Variants in FAM217A observed in about 807,000 individuals in gnomAD.
FAM217A encodes the protein family with sequence similarity 217 member A, also known as protein FAM217A.
In FAM217A, 13 loss-of-function variants were observed where a neutral mutation model predicts 18.5. The observed-to-expected ratio is 0.70, with a 90% CI of 0.46 to 1.12. The LOEUF (loss-of-function observed/expected upper bound fraction) is 1.12. Ranked by LOEUF, FAM217A falls within the 50% of genes most tolerant of loss-of-function variation. FAM217A has a pLI of 0.00. For missense variants in FAM217A, 560 were observed against 575.4 expected (o/e 0.97, Z 0.27); for synonymous variants, 161 against 202.8 (o/e 0.79, Z 1.75).
upstream of FAM217A, among the ~76,000 whole-genome samples, chr6:4,079,920 A>T (rs2745455): frequency 6.6e-6 from 1 of 151,818 alleles, no homozygotes; most frequent in Non-Finnish European, 1.5e-5. Flanking sequence ...CCCGAAATGC[A>T]TATCTCCTAT....
At chr6:4,075,493 A>G (rs1769722194) in intron 2 of FAM217A, among the ~76,000 whole-genome samples, 1 of 152,222 alleles carries the variant, frequency 6.6e-6, no homozygotes, top group Admixed American at 6.5e-5. Flanking sequence ...GAAATATTCA[A>G]AAGAAAGCCA....
At chr6:4,086,981 C>T (rs1476094716) in intron 1 of FAM217A, 4 of 398,928 alleles carry the variant, frequency 1.0e-5, no homozygotes, top group African/African-American at 4.1e-5. Context: ...TGGATAAGAA[C>T]ATAAGGAGTA....
upstream of FAM217A, chr6:4,087,115 C>T (rs1336589126): frequency 1.2e-5 from 5 of 403,820 alleles, no homozygotes; most frequent in African/African-American, 1.0e-4. Flanking sequence ...CCTCGTAGGT[C>T]TGTGGAGCCT....
Position 4,069,682 on chromosome 6 carries a change from A to G in FAM217A, c.541T>C (p.Leu181=). The G allele has an allele frequency of 6.2e-7, 1 of 1,614,144 alleles. No homozygotes were observed. Among genetic ancestry groups the G allele is most frequent in the Non-Finnish European group, 8.5e-7 (1 of 1,180,022 alleles). The change falls in exon 7 of 7, where the codon TTA becomes CTA. Residue 181 remains leucine, a synonymous_variant. Coordinates refer to ENST00000274673, the MANE Select transcript of FAM217A (RefSeq NM_173563.3). The stretch of plus-strand genomic sequence containing the variant: ...TTCAAATTCCAATTTGGAGCAGGTA[A>G]TGTTTCACCATCATTGTTTTCTATA... ...STIENNDGET[L]PAPNWNLKHG...
chr6:4,081,778 G>A (rs544743631), upstream of FAM217A, among the ~76,000 whole-genome samples: 7 of 152,182 alleles, frequency 4.6e-5, no homozygotes, highest in African/African-American at 1.7e-4. Flanking sequence ...AATGTTCCCC[G>A]CTCTTGAGAC....
upstream of FAM217A, among the ~76,000 whole-genome samples, chr6:4,081,344 C>T (rs529949436): frequency 1.7e-3 from 254 of 152,254 alleles, 1 homozygote; most frequent in African/African-American, 5.8e-3. Flanking sequence ...TGCTCTGTCA[C>T]CCAGGCTAGA....
upstream of FAM217A, among the ~76,000 whole-genome samples, chr6:4,083,725 T>C (rs1328220551): frequency 6.6e-6 from 1 of 152,056 alleles, no homozygotes; most frequent in African/African-American, 2.4e-5. Context: ...CTAATTTTTT[T>C]GTATTTATAG....
chr6:4,083,780 C>T (rs192068424), upstream of FAM217A, among the ~76,000 whole-genome samples: 9 of 152,306 alleles, frequency 5.9e-5, no homozygotes, highest in Middle Eastern at 3.4e-3. Context: ...TCTCAAACTC[C>T]TGACCTCAGG....
intron 2 of FAM217A, among the ~76,000 whole-genome samples, chr6:4,076,915 C>T (rs563229957): frequency 1.4e-4 from 21 of 152,126 alleles, no homozygotes; most frequent in Non-Finnish European, 2.1e-4. Flanking sequence ...AAAAAATTAA[C>T]ATAACCAAAT....
At chr6:4,072,439 T>A (rs1769490039) in intron 6 of FAM217A, among the ~76,000 whole-genome samples, 1 of 22,088 alleles carries the variant, frequency 4.5e-5, no homozygotes, top group South Asian at 1.6e-3. Flanking sequence ...GTTCTGCACA[T>A]GTATTCCCAG....
chr6:4,077,299 G>T, intron 2 of FAM217A, 56 bp downstream of exon 2: 3 of 1,569,200 alleles, frequency 1.9e-6, no homozygotes, highest in East Asian at 2.2e-5. Context: ...TGGGAGTTAC[G>T]TGTTAGCAAC....
chr6:4,071,039 G>A (rs1200741037), intron 6 of FAM217A, among the ~76,000 whole-genome samples: 1 of 151,876 alleles, frequency 6.6e-6, no homozygotes. Context: ...TACTAATTTA[G>A]CTAAATACTA....
intron 3 of FAM217A, 42 bp from the exon 4 acceptor site, chr6:4,074,498 A>C: frequency 6.3e-7 from 1 of 1,580,546 alleles, no homozygotes; most frequent in Non-Finnish European, 8.7e-7. Context: ...GTTACATAAA[A>C]CTGATTATAT....
intron 1 of FAM217A, 113 bp from the exon 2 acceptor site, chr6:4,077,561 GA>G (rs1769913013): frequency 1.1e-6 from 1 of 888,620 alleles, no homozygotes; most frequent in Admixed American, 2.0e-5. Context: ...TTAGAAAGCA[GA>G]AGAGAGGGGC....
chr6:4,079,536 C>T (rs1184161136), upstream of FAM217A: 7 of 1,120,146 alleles, frequency 6.2e-6, no homozygotes, highest in African/African-American at 1.7e-5. Flanking sequence ...AGGCCTTCCC[C>T]GAGGCCTCCA....
chr6:4,069,454 T>A lies in FAM217A; in HGVS notation c.769A>T (p.Ser257Cys). Residue 257 changes from serine (S) to cysteine (C), a missense_variant, in exon 7 of 7, where the codon AGT becomes TGT. Coordinates refer to ENST00000274673, the MANE Select transcript of FAM217A (RefSeq NM_173563.3). ...GCTAAATTGTGCAAGTCTAGAGCACTGAAAGGAGGAGGGAGAAAATCAGGA... is the reference window on the plus strand; with the variant it reads ...GCTAAATTGTGCAAGTCTAGAGCACAGAAAGGAGGAGGGAGAAAATCAGGA... ...PYPDFLPPPF[S>C]ALDLHNLALS... 1 of 1,614,180 alleles carries A rather than the reference T, an allele frequency of 6.2e-7. No homozygotes were observed. Among genetic ancestry groups the A allele is most frequent in the Middle Eastern group, 1.6e-4 (1 of 6,062 alleles).
intron 1 of FAM217A, 69 bp from the exon 2 acceptor site, chr6:4,077,517 T>G: frequency 7.8e-7 from 1 of 1,285,514 alleles, no homozygotes; most frequent in Non-Finnish European, 1.1e-6. Context: ...AAGTGTGAGT[T>G]TTGATTTCCC....
At chr6:4,080,911 C>G (rs926385467), upstream of FAM217A, among the ~76,000 whole-genome samples, 3 of 136,936 alleles carry the variant, frequency 2.2e-5, no homozygotes, top group Non-Finnish European at 3.3e-5. Flanking sequence ...AGAAAAAATA[C>G]AAAAAAAAAA....
upstream of FAM217A, among the ~76,000 whole-genome samples, chr6:4,080,868 A>G (rs559488683): frequency 6.6e-6 from 1 of 151,150 alleles, no homozygotes; most frequent in East Asian, 1.9e-4. Flanking sequence ...CTCACAAGTC[A>G]TTTTTCCTGA....
Sources: allele counts gnomAD v4.1 joint callset (sites outside exome capture counted in the v4.1 genomes callset), GRCh38; gene constraint gnomAD v4.1.1; transcripts MANE v1.5; gene names NCBI Gene and HGNC (gene_info 2026-07-23, HGNC 2026-07-21).